The following CHRNA7 variants were observed in gnomAD, a reference collection of about 807,000 sequenced individuals.
CHRNA7 encodes cholinergic receptor nicotinic alpha 7 subunit.
A neutral mutation model predicts 48.0 loss-of-function variants in CHRNA7; 17 were observed. The ratio of observed to expected loss-of-function variants is 0.35; its 90% CI spans 0.24 to 0.53. CHRNA7 has a LOEUF of 0.53. Ranked by LOEUF, CHRNA7 falls within the 20% of genes least tolerant of loss-of-function variation. The pLI, the probability that CHRNA7 is intolerant of heterozygous loss-of-function variation, is 0.92. For synonymous variants in CHRNA7, 75 were observed against 242.3 expected, an observed-to-expected ratio of 0.31 and a Z score of 6.41; for missense variants, 155 against 577.7, an observed-to-expected ratio of 0.27 and a Z score of 7.50.
chr15:32,030,855 C>T, intron 1 of CHRNA7, 43 bp from the exon 2 acceptor site: 1 of 1,597,632 alleles, frequency 6.3e-7, no homozygotes, highest in Non-Finnish European at 8.5e-7. Context: ...GGTACCCCCG[C>T]CGGCCTGCCC....
intron 2 of CHRNA7, among the ~76,000 whole-genome samples, chr15:32,051,595 C>A (rs992483607): frequency 7.9e-5 from 12 of 152,034 alleles, no homozygotes; most frequent in Non-Finnish European, 1.5e-4. Flanking sequence ...TGACCCCTTG[C>A]ACTTCCCGAG....
chr15:32,075,116 C>G (rs1199944792), intron 2 of CHRNA7, among the ~76,000 whole-genome samples: 1 of 152,138 alleles, frequency 6.6e-6, no homozygotes, highest in Non-Finnish European at 1.5e-5. Flanking sequence ...TTGCTGAATT[C>G]AATGTGCTAA....
rs1402546333 is a variant in CHRNA7 at position 32,169,123 on chromosome 15, T to C, written c.*665T>C. 1 of 131,756 alleles carries C rather than the reference T, an allele frequency of 7.6e-6. No homozygotes were observed. The highest frequency in any genetic ancestry group is 2.8e-5 in the African/African-American group (1 of 35,462). 8.2% of individuals were successfully genotyped at this position (131,756 alleles called of 1,614,324 possible). ...CTGCAAACCTACCCTGTCAAGGAGATCAAAGGGACGCAGGTTTCTGTTTAT... is the reference window on the plus strand; with the variant it reads ...CTGCAAACCTACCCTGTCAAGGAGACCAAAGGGACGCAGGTTTCTGTTTAT... On this transcript the variant is annotated 3_prime_UTR_variant, in exon 10 of 10. Transcript: ENST00000306901.
Position 32,101,294 on chromosome 15 carries a change from T to C in CHRNA7, c.196-9T>C. On this transcript the variant is annotated splice_polypyrimidine_tract_variant and intron_variant, in intron 2 of 9. Coordinates refer to ENST00000306901, the MANE Select transcript of CHRNA7 (RefSeq NM_000746.6). The stretch of plus-strand genomic sequence containing the variant: ...TATTTATGCTGCTGCTTTTTTTTTT[T>C]TTTTGAAGGATGAGAAGAACCAAGT... 1 of 1,591,750 alleles carries C rather than the reference T, an allele frequency of 6.3e-7. No homozygotes were observed. Among genetic ancestry groups the C allele is most frequent in the Non-Finnish European group, 8.5e-7 (1 of 1,173,874 alleles).
chr15:32,037,832 A>G (rs932791350), intron 2 of CHRNA7, among the ~76,000 whole-genome samples: 2 of 151,800 alleles, frequency 1.3e-5, no homozygotes, highest in Non-Finnish European at 2.9e-5. Flanking sequence ...GGTTTTCTAC[A>G]TGAACGATCA....
At chr15:32,130,751 A>T (rs2051141210) in intron 4 of CHRNA7, among the ~76,000 whole-genome samples, 1 of 151,952 alleles carries the variant, frequency 6.6e-6, no homozygotes, top group Admixed American at 6.6e-5. Flanking sequence ...TAAACATCTT[A>T]CTGGTTCAAG....
intron 2 of CHRNA7, among the ~76,000 whole-genome samples, chr15:32,061,276 G>A (rs1428227035): frequency 6.6e-5 from 10 of 152,124 alleles, no homozygotes; most frequent in Non-Finnish European, 1.5e-4. Flanking sequence ...CCAGGTAGTG[G>A]CAACAGAAGA....
chr15:32,039,941 T>C (rs2049416447), intron 2 of CHRNA7, among the ~76,000 whole-genome samples: 1 of 152,180 alleles, frequency 6.6e-6, no homozygotes, highest in African/African-American at 2.4e-5. Flanking sequence ...TTTGGGCATA[T>C]ACACATTAAG....
intron 4 of CHRNA7, among the ~76,000 whole-genome samples, chr15:32,138,372 CTTTG>C (rs1054232201): frequency 6.6e-6 from 1 of 152,038 alleles, no homozygotes; most frequent in African/African-American, 2.4e-5. Context: ...AAAAAACAGA[CTTTG>C]TTTTTTAAAG....
At chr15:32,083,354 G>A (rs181372084) in intron 2 of CHRNA7, among the ~76,000 whole-genome samples, 23 of 152,286 alleles carry the variant, frequency 1.5e-4, no homozygotes, top group African/African-American at 4.6e-4. Context: ...GTAGCAAGAA[G>A]CCCCATTGCC....
At chr15:32,053,278 C>G (rs894735935) in intron 2 of CHRNA7, among the ~76,000 whole-genome samples, 6 of 152,230 alleles carry the variant, frequency 3.9e-5, no homozygotes, top group Non-Finnish European at 7.3e-5. Flanking sequence ...CTCGTTTCAT[C>G]TTTGACATGC....
intron 4 of CHRNA7, among the ~76,000 whole-genome samples, chr15:32,121,009 C>T (rs1452403425): frequency 6.6e-6 from 1 of 152,176 alleles, no homozygotes; most frequent in Non-Finnish European, 1.5e-5. Context: ...TGCGCGTGTC[C>T]ACTGCCCACT....
At chr15:32,052,263 T>G (rs1170954770) in intron 2 of CHRNA7, among the ~76,000 whole-genome samples, 1 of 151,892 alleles carries the variant, frequency 6.6e-6, no homozygotes, top group Non-Finnish European at 1.5e-5. Flanking sequence ...GAGAACCACC[T>G]AGTTGATCAT....
At chr15:32,129,897 A>G (rs1302629989) in intron 4 of CHRNA7, among the ~76,000 whole-genome samples, 2 of 151,892 alleles carry the variant, frequency 1.3e-5, no homozygotes, top group Non-Finnish European at 2.9e-5. Context: ...ATATTGATAC[A>G]TTGCATTTTT....
intron 4 of CHRNA7, among the ~76,000 whole-genome samples, chr15:32,132,620 A>G (rs956095620): frequency 1.3e-5 from 2 of 152,132 alleles, no homozygotes; most frequent in Admixed American, 1.3e-4. Context: ...TCTCTGGTTT[A>G]TGGCTTCCTT....
chr15:32,146,095 G>GTC (rs1163703943), intron 4 of CHRNA7, among the ~76,000 whole-genome samples: 2 of 152,182 alleles, frequency 1.3e-5, no homozygotes, highest in Non-Finnish European at 2.9e-5. Context: ...GCATAACAAA[G>GTC]TCTAGCAATA....
At chr15:32,030,723 C>G (rs766700612) in intron 1 of CHRNA7, 74 bp downstream of exon 1, 10 of 1,534,862 alleles carry the variant, frequency 6.5e-6, no homozygotes, top group African/African-American at 2.8e-5. Context: ...CTGTGCGCCC[C>G]GCGCCTGGGC....
At chr15:32,154,786 T>C (rs1358420976) in intron 5 of CHRNA7, among the ~76,000 whole-genome samples, 1 of 139,786 alleles carries the variant, frequency 7.2e-6, no homozygotes, top group Non-Finnish European at 1.5e-5. Flanking sequence ...CACTCACACA[T>C]ACGACTCACA....
chr15:32,121,874 G>A (rs1161179805), intron 4 of CHRNA7, among the ~76,000 whole-genome samples: 1 of 152,166 alleles, frequency 6.6e-6, no homozygotes, highest in African/African-American at 2.4e-5. Flanking sequence ...GAATGAAAGG[G>A]AGAGGGAAAA....
Sources: allele counts gnomAD v4.1 joint callset (sites outside exome capture counted in the v4.1 genomes callset), GRCh38; gene constraint gnomAD v4.1.1; transcripts MANE v1.5; gene names NCBI Gene and HGNC (gene_info 2026-07-23, HGNC 2026-07-21).